Variants in UNC5C observed in about 807,000 individuals in gnomAD.
UNC5C encodes unc-5 netrin receptor C.
In UNC5C, 47 loss-of-function variants were observed where a neutral mutation model predicts 99.8. The observed-to-expected ratio is 0.47, with a 90% CI of 0.37 to 0.60. The LOEUF is 0.60. Among genes scored for constraint, UNC5C ranks in the 20% least tolerant of loss-of-function variants. The probability of loss-of-function intolerance (pLI) is 0.00; values close to 1 mark genes in which losing one functional copy is unlikely to be tolerated. For missense variants in UNC5C, 1,062 were observed against 1,165.9 expected, an observed-to-expected ratio of 0.91 and a Z score of 1.30; for synonymous variants, 487 against 452.2, an observed-to-expected ratio of 1.08 and a Z score of -0.98.
intron 3 of UNC5C, among the ~76,000 whole-genome samples, chr4:95,298,479 C>G (rs1318364258): frequency 6.6e-6 from 1 of 152,304 alleles, no homozygotes; most frequent in African/African-American, 2.4e-5. Context: ...TCACTGCTGT[C>G]TTTGGGACCC....
intron 1 of UNC5C, among the ~76,000 whole-genome samples, chr4:95,467,420 A>G (rs1255919332): frequency 6.6e-6 from 1 of 152,134 alleles, no homozygotes. Context: ...AAACAGAGAG[A>G]GAGAATGGGG....
At chr4:95,474,866 C>T (rs1748088276) in intron 1 of UNC5C, among the ~76,000 whole-genome samples, 1 of 152,058 alleles carries the variant, frequency 6.6e-6, no homozygotes, top group African/African-American at 2.4e-5. Context: ...CTACTCACCA[C>T]CCTATGCATA....
intron 1 of UNC5C, among the ~76,000 whole-genome samples, chr4:95,469,676 C>T (rs977399624): frequency 6.6e-6 from 1 of 152,050 alleles, no homozygotes; most frequent in Admixed American, 6.6e-5. Context: ...TCATGCAAGT[C>T]AACTATTCCT....
At chr4:95,222,159 A>C in intron 7 of UNC5C, 1 of 1,314,788 alleles carries the variant, frequency 7.6e-7, no homozygotes, top group Non-Finnish European at 1.0e-6. Context: ...AACTAGGGGC[A>C]ATAACGTTAA....
intron 4 of UNC5C, among the ~76,000 whole-genome samples, chr4:95,258,440 AG>A (rs983872556): frequency 3.3e-5 from 5 of 152,204 alleles, no homozygotes; most frequent in Non-Finnish European, 7.3e-5. Flanking sequence ...ATATTCCAAG[AG>A]AAAGAAAAAC....
intron 2 of UNC5C, among the ~76,000 whole-genome samples, chr4:95,308,881 G>A (rs757393854): frequency 2.0e-5 from 3 of 147,936 alleles, no homozygotes; most frequent in Non-Finnish European, 3.0e-5. Flanking sequence ...CAAATTTAAT[G>A]AAATCCATAT....
At position 95,166,041 on chromosome 4, in the gene UNC5C, C is replaced by G. The variant is rs1008852234; in HGVS notation, c.*3193G>C. The stretch of plus-strand genomic sequence containing the variant: ...TCTGTTTGTCATAAAGGTCCTTGAA[C>G]TCTACAGGTTTTCATTCCCTTCGTC... On this transcript the variant is annotated 3_prime_UTR_variant, in exon 16 of 16. Coordinates refer to ENST00000453304, the MANE Select transcript of UNC5C (RefSeq NM_003728.4). The G allele has an allele frequency of 1.3e-5, 2 of 152,158 alleles. No individual in the cohort carries two copies. Among genetic ancestry groups the G allele is most frequent in the African/African-American group, 4.8e-5 (2 of 41,432 alleles). The allele number at this position is 152,158 out of a possible 1,614,324, so 9.4% of individuals were successfully genotyped here.
intron 3 of UNC5C, among the ~76,000 whole-genome samples, chr4:95,278,662 T>G (rs936969991): frequency 6.6e-6 from 1 of 151,892 alleles, no homozygotes; most frequent in Non-Finnish European, 1.5e-5. Context: ...AAATTTTTTG[T>G]AGAGATAGAG....
chr4:95,237,994 T>G lies in UNC5C; in HGVS notation c.1108+4435A>C, dbSNP rs142053752. On this transcript the variant is annotated intron_variant, in intron 7 of 15. Transcript: ENST00000453304. ...AAGTCAGAGGTTGCAGTGAGCCGAG[T>G]GCAACTGCACTCCAGCCTGGCGACA... 2.3e-3 allele frequency among the ~76,000 whole-genome samples: 351 copies of G among 152,112 alleles called. 2 individuals carry two copies. Among genetic ancestry groups the G allele is most frequent in the Non-Finnish European group, 2.9e-3 (197 of 67,982 alleles).
chr4:95,373,300 C>G (rs1433501227), intron 1 of UNC5C, among the ~76,000 whole-genome samples: 1 of 152,172 alleles, frequency 6.6e-6, no homozygotes, highest in African/African-American at 2.4e-5. Flanking sequence ...AGCTGACCCT[C>G]TTCTTATTCT....
chr4:95,261,400 C>T (rs1325123915), intron 4 of UNC5C, among the ~76,000 whole-genome samples: 3 of 152,174 alleles, frequency 2.0e-5, no homozygotes, highest in Non-Finnish European at 4.4e-5. Context: ...TCCAAAATTG[C>T]TCCCCCAAAT....
intron 1 of UNC5C, among the ~76,000 whole-genome samples, chr4:95,411,222 A>C (rs1458250740): frequency 6.6e-6 from 1 of 152,190 alleles, no homozygotes; most frequent in African/African-American, 2.4e-5. Flanking sequence ...TGAGTATACT[A>C]TCATAACTTT....
At chr4:95,449,234 G>A (rs1747211531) in intron 1 of UNC5C, among the ~76,000 whole-genome samples, 1 of 152,126 alleles carries the variant, frequency 6.6e-6, no homozygotes, top group African/African-American at 2.4e-5. Flanking sequence ...ACTTGATGAA[G>A]TTTTTATCTC....
intron 6 of UNC5C, among the ~76,000 whole-genome samples, chr4:95,243,526 CAAGG>C (rs1560750101): frequency 6.6e-6 from 1 of 152,066 alleles, no homozygotes; most frequent in African/African-American, 2.4e-5. Context: ...TTATGATGAT[CAAGG>C]ATTCAATGTA....
intron 1 of UNC5C, among the ~76,000 whole-genome samples, chr4:95,482,283 G>A (rs886734262): frequency 4.6e-5 from 7 of 152,038 alleles, no homozygotes; most frequent in South Asian, 2.1e-4. Flanking sequence ...GGCCATCAGA[G>A]AAATGCAAAT....
chr4:95,291,115 A>G (rs541050504), intron 3 of UNC5C, among the ~76,000 whole-genome samples: 1 of 152,286 alleles, frequency 6.6e-6, no homozygotes, highest in Admixed American at 6.5e-5. Flanking sequence ...AAAAAAATAA[A>G]TATTTCAGCT....
chr4:95,246,717 A>G (rs1323314434), intron 5 of UNC5C, among the ~76,000 whole-genome samples: 1 of 151,954 alleles, frequency 6.6e-6, no homozygotes, highest in African/African-American at 2.4e-5. Flanking sequence ...GATGTATAAT[A>G]TAACAATGTA....
At chr4:95,190,004 G>T (rs1449935593) in intron 12 of UNC5C, among the ~76,000 whole-genome samples, 2 of 152,114 alleles carry the variant, frequency 1.3e-5, no homozygotes, top group Non-Finnish European at 2.9e-5. Flanking sequence ...TATACCCAAA[G>T]GACTATAAAT....
chr4:95,499,812 A>G (rs1721733221), intron 1 of UNC5C, among the ~76,000 whole-genome samples: 3 of 152,130 alleles, frequency 2.0e-5, no homozygotes, highest in East Asian at 1.9e-4. Flanking sequence ...GTGCACATAT[A>G]TAAGATGGGA....
Sources: gnomAD v4.1 joint callset for allele counts (sites outside exome capture counted in the v4.1 genomes callset) on GRCh38, gnomAD v4.1.1 for gene constraint, MANE v1.5 for transcripts, NCBI Gene and HGNC (gene_info 2026-07-23, HGNC 2026-07-21) for gene names.